Variants in ZC3H15 observed in about 807,000 individuals in gnomAD.
ZC3H15 encodes zinc finger CCCH-type containing 15, also known as zinc finger CCCH domain-containing protein 15.
In ZC3H15, 15 loss-of-function variants were observed where a neutral mutation model predicts 51.2. The observed-to-expected ratio is 0.29, with a 90% CI of 0.20 to 0.45. The LOEUF is 0.45. Among genes scored for constraint, ZC3H15 ranks in the 20% least tolerant of loss-of-function variants. ZC3H15 has a pLI of 1.00. For missense variants in ZC3H15, 381 were observed against 494.7 expected (o/e 0.77, Z 2.18); for synonymous variants, 144 against 162.8 (o/e 0.88, Z 0.88).
chr2:186,504,668 G>C (rs377639446), intron 6 of ZC3H15, among the ~76,000 whole-genome samples: 3 of 152,138 alleles, frequency 2.0e-5, no homozygotes, highest in African/African-American at 7.2e-5. Context: ...TTATAGAAGG[G>C]AATGAGTCTG....
chr2:186,503,901 G>A (rs1685426377), intron 5 of ZC3H15, 131 bp from the exon 6 acceptor site: 6 of 655,982 alleles, frequency 9.1e-6, no homozygotes, highest in Non-Finnish European at 1.4e-5. Context: ...GCACCCTTAT[G>A]TGCAGAAATG....
At chr2:186,495,179 G>A in intron 1 of ZC3H15, 54 bp from the exon 2 acceptor site, 2 of 985,446 alleles carry the variant, frequency 2.0e-6, no homozygotes, top group Non-Finnish European at 1.5e-6. Flanking sequence ...ATCATTGGAG[G>A]ATATATATGG....
chr2:186,505,476 C>G lies in ZC3H15; in HGVS notation c.743C>G (p.Thr248Ser). 6.4e-7 allele frequency: 1 copy of G among 1,573,428 alleles called. No homozygotes were observed. The highest frequency in any genetic ancestry group is 8.6e-7 in the Non-Finnish European group (1 of 1,165,730). ...CGTTCTGCCCTAGGTCCAAATGTTA[C>G]CAAAATCACTCTAGAATCTTTTCTT... ...RERSALGPNV[T>S]KITLESFLAW... Residue 248 changes from threonine (T) to serine (S), a missense_variant, in exon 7 of 10, where the codon ACC becomes AGC. Around this residue, in one of 3 missense-constraint regions of ZC3H15, gnomAD observed 215 missense variants for 241.8 expected, o/e 0.89. Transcript: ENST00000337859.
chr2:186,506,885 A>T, intron 9 of ZC3H15, 49 bp downstream of exon 9: 1 of 1,581,474 alleles, frequency 6.3e-7, no homozygotes, highest in Non-Finnish European at 8.6e-7. Context: ...AAGTTATCTA[A>T]AGGGGGTTAT....
Position 186,486,414 on chromosome 2 carries a change from G to T in ZC3H15, c.32G>T (p.Gly11Val). The change falls in exon 1 of 10, where the codon GGC becomes GTC. Residue 11 changes from glycine to valine, a missense_variant. Transcript: ENST00000337859. MPPKKQAQAGGSKKAEQKKKE... is the reference protein window; with the variant it reads MPPKKQAQAGVSKKAEQKKKE... ...CCCAAGAAACAGGCTCAGGCCGGGG[G>T]CAGCAAAAAGGCGGAGCAAAAAAAG... The T allele has an allele frequency of 1.9e-6, 3 of 1,562,722 alleles. No individual in the cohort carries two copies. The highest frequency in any genetic ancestry group is 2.6e-6 in the Non-Finnish European group (3 of 1,151,834).
chr2:186,488,313 T>A (rs1437052276), intron 1 of ZC3H15, among the ~76,000 whole-genome samples: 2 of 152,152 alleles, frequency 1.3e-5, no homozygotes, highest in Non-Finnish European at 2.9e-5. Flanking sequence ...CCCACTAAAT[T>A]TGTTTTGTGC....
chr2:186,505,610 C>CTCACCCAAACTGATTCTTTATTT lies in ZC3H15; in HGVS notation c.864+35_864+36insTTCACCCAAACTGATTCTTTATT. 2 of 1,598,566 alleles carry CTCACCCAAACTGATTCTTTATTT rather than the reference C, an allele frequency of 1.3e-6. No individual in the cohort carries two copies. Among genetic ancestry groups the CTCACCCAAACTGATTCTTTATTT allele is most frequent in the Non-Finnish European group, 1.7e-6 (2 of 1,171,470 alleles). ...GAAAGCACTAGTGGTATGTCTCAGG[C>CTCACCCAAACTGATTCTTTATTT]TCACCCAAACTGATTCTTTATTCTT... is the stretch of plus-strand genomic sequence containing the variant. On this transcript the variant is annotated intron_variant, in intron 7 of 9. Transcript: ENST00000337859.
chr2:186,486,331 C>T lies in ZC3H15; in HGVS notation c.-52C>T. 1 of 1,495,804 alleles carries T rather than the reference C, an allele frequency of 6.7e-7. No homozygotes were observed. The highest frequency in any genetic ancestry group is 1.3e-5 in the South Asian group (1 of 77,460). The allele number at this position is 1,495,804 out of a possible 1,614,324, so 92.7% of individuals were successfully genotyped here. On this transcript the variant is annotated 5_prime_UTR_variant, in exon 1 of 10. Coordinates refer to ENST00000337859, the MANE Select transcript of ZC3H15 (RefSeq NM_018471.3). ...CTCGTCCTGCCGCAGGGCCAGAACC[C>T]CTGACGGTATTCAGCTGCGCGTAAG...
At chr2:186,496,297 G>A (rs1193646926) in intron 2 of ZC3H15, among the ~76,000 whole-genome samples, 1 of 152,076 alleles carries the variant, frequency 6.6e-6, no homozygotes, top group African/African-American at 2.4e-5. Flanking sequence ...GGCTCACTGC[G>A]GCCTCTGCCT....
At chr2:186,497,089 T>G in intron 2 of ZC3H15, 1 of 417,678 alleles carries the variant, frequency 2.4e-6, no homozygotes, top group Non-Finnish European at 4.7e-6. Flanking sequence ...TTTAGACCTC[T>G]CACTTGTAAA....
chr2:186,499,792 T>A (rs1685347692), intron 2 of ZC3H15: 1 of 337,420 alleles, frequency 3.0e-6, no homozygotes, highest in Non-Finnish European at 5.7e-6. Flanking sequence ...TGGGGTGGTA[T>A]AATTCATTAT....
At chr2:186,497,162 C>T (rs1685296099) in intron 2 of ZC3H15, 1 of 435,690 alleles carries the variant, frequency 2.3e-6, no homozygotes, top group South Asian at 1.7e-5. Context: ...ATCTCCTTTT[C>T]ATTAACTTCT....
At position 186,501,428 on chromosome 2, in the gene ZC3H15, A is replaced by G; in HGVS notation, c.442+3A>G. 1.2e-6 allele frequency: 2 copies of G among 1,603,212 alleles called. No individual in the cohort carries two copies. The highest frequency in any genetic ancestry group is 8.5e-7 in the Non-Finnish European group (1 of 1,176,018). ...AAGAGATGAAGAACTTGAAAAAGGTAATTTTTTTAAAAACACTCTCTTAAA... is the reference window on the plus strand; with the variant it reads ...AAGAGATGAAGAACTTGAAAAAGGTGATTTTTTTAAAAACACTCTCTTAAA... On this transcript the variant is annotated splice_donor_region_variant and intron_variant, in intron 4 of 9. Transcript: ENST00000337859.
chr2:186,493,958 T>G (rs887798064), intron 1 of ZC3H15, among the ~76,000 whole-genome samples: 1 of 150,844 alleles, frequency 6.6e-6, no homozygotes, highest in Admixed American at 6.6e-5. Flanking sequence ...TGGACTTGAA[T>G]TTTGGGGGAC....
chr2:186,502,605 A>AT lies in ZC3H15; in HGVS notation c.534+20dup. The AT allele has an allele frequency of 6.3e-7, 1 of 1,583,686 alleles. No individual in the cohort carries two copies. Among genetic ancestry groups the AT allele is most frequent in the Non-Finnish European group, 8.6e-7 (1 of 1,157,458 alleles). ...CTCAAATAGTATGTCCTTTTCTTGA[A>AT]TTGAGTTGCTGTGATATTTATCATT... On this transcript the variant is annotated intron_variant, in intron 5 of 9. Coordinates refer to ENST00000337859, the MANE Select transcript of ZC3H15 (RefSeq NM_018471.3).
At chr2:186,506,508 G>A (rs561198210) in intron 8 of ZC3H15, among the ~76,000 whole-genome samples, 1,800 of 152,226 alleles carry the variant, frequency 0.012, 31 homozygotes, top group African/African-American at 0.042. Flanking sequence ...GCTCAGGCTG[G>A]TCTCAAACTC....
intron 1 of ZC3H15, among the ~76,000 whole-genome samples, chr2:186,491,018 A>C (rs919836039): frequency 1.3e-5 from 2 of 152,114 alleles, no homozygotes; most frequent in Non-Finnish European, 2.9e-5. Context: ...AATTCAGGTT[A>C]ATCTTTAGGT....
rs558272553 is a variant in ZC3H15, at chr2:186,504,321, T to A, written c.717+107T>A. The A allele has an allele frequency of 1.4e-4, 130 of 938,892 alleles. No individual in the cohort carries two copies. The African/African-American group carries it at 1.6e-3, about 11-fold the overall frequency. The allele number at this position is 938,892 out of a possible 1,614,324, so 58.2% of individuals were successfully genotyped here. On this transcript the variant is annotated intron_variant, in intron 6 of 9. Coordinates refer to ENST00000337859, the MANE Select transcript of ZC3H15 (RefSeq NM_018471.3). ...GCCTTTTATGAAAGGAAAAAAAAAA[T>A]ATTGTGATCTATTCCCAAAGTTGCC...
chr2:186,506,869 AC>A (rs1685475713), intron 9 of ZC3H15, 33 bp downstream of exon 9: 1 of 1,596,846 alleles, frequency 6.3e-7, no homozygotes. Context: ...AATTTTAAGA[AC>A]TAGGAAGTTA....
Sources: allele counts gnomAD v4.1 joint callset (sites outside exome capture counted in the v4.1 genomes callset), GRCh38; gene constraint gnomAD v4.1.1; regional missense constraint gnomAD v4.1.1; transcripts MANE v1.5; gene names NCBI Gene and HGNC (gene_info 2026-07-23, HGNC 2026-07-21).